CDK5RAP2: variants seen among roughly 807,000 people sequenced by gnomAD.
CDK5RAP2 encodes CDK5 regulatory subunit-associated protein 2.
A neutral mutation model predicts 232.9 loss-of-function variants in CDK5RAP2; 147 were observed. The observed-to-expected ratio is 0.63, with a 90% CI of 0.55 to 0.72. The LOEUF is 0.72. Ranked by LOEUF, CDK5RAP2 falls within the 30% of genes least tolerant of loss-of-function variation. The pLI is 0.00. For missense variants in CDK5RAP2, 2,195 were observed against 2,231.5 expected, an observed-to-expected ratio of 0.98 and a Z score of 0.33; for synonymous variants, 833 against 833.7, an observed-to-expected ratio of 1.00 and a Z score of 0.01.
chr9:120,567,150 T>G (rs1277216987), intron 3 of CDK5RAP2, among the ~76,000 whole-genome samples: 1 of 152,216 alleles, frequency 6.6e-6, no homozygotes, highest in African/African-American at 2.4e-5. Context: ...TTATACACGA[T>G]GTAGAATAAT....
At chr9:120,416,580 T>A (rs549848002) in intron 27 of CDK5RAP2, among the ~76,000 whole-genome samples, 1 of 152,194 alleles carries the variant, frequency 6.6e-6, no homozygotes, top group Non-Finnish European at 1.5e-5. Flanking sequence ...TTTAACATAA[T>A]ACTTAATAAT....
At chr9:120,485,717 C>T (rs2038564743) in intron 14 of CDK5RAP2, among the ~76,000 whole-genome samples, 1 of 152,190 alleles carries the variant, frequency 6.6e-6, no homozygotes, top group South Asian at 2.1e-4. Context: ...CCTTATATTA[C>T]AGGTTAATGT....
intron 4 of CDK5RAP2, among the ~76,000 whole-genome samples, chr9:120,549,870 A>G (rs2041987307): frequency 6.6e-6 from 1 of 152,246 alleles, no homozygotes; most frequent in South Asian, 2.1e-4. Context: ...AACTTTCATA[A>G]GGGACAAAGA....
At chr9:120,455,736 CA>C (rs774549079) in intron 20 of CDK5RAP2, among the ~76,000 whole-genome samples, 3,835 of 131,008 alleles carry the variant, frequency 0.029, 90 homozygotes, top group African/African-American at 0.078. Flanking sequence ...AACCTTGTGT[CA>C]AAAAAAAAAA....
At chr9:120,479,088 A>G (rs1264640935) in intron 14 of CDK5RAP2, among the ~76,000 whole-genome samples, 1 of 152,234 alleles carries the variant, frequency 6.6e-6, no homozygotes, top group Non-Finnish European at 1.5e-5. Flanking sequence ...CCCACAAGCC[A>G]AATCTGGGAT....
chr9:120,448,950 T>C (rs2036345184), intron 21 of CDK5RAP2, among the ~76,000 whole-genome samples: 1 of 152,208 alleles, frequency 6.6e-6, no homozygotes, highest in Non-Finnish European at 1.5e-5. Context: ...CATTTACTTT[T>C]GCCCTCTCTA....
At chr9:120,464,511 T>A (rs1008228621) in intron 18 of CDK5RAP2, among the ~76,000 whole-genome samples, 1 of 152,204 alleles carries the variant, frequency 6.6e-6, no homozygotes, top group Non-Finnish European at 1.5e-5. Flanking sequence ...ACAAGTCGTT[T>A]TCAGGATTAC....
At chr9:120,509,275 C>T (rs1454686625) in intron 12 of CDK5RAP2, among the ~76,000 whole-genome samples, 1 of 152,138 alleles carries the variant, frequency 6.6e-6, no homozygotes, top group East Asian at 1.9e-4. Context: ...TAATCAACAC[C>T]GTCTGGTAGA....
intron 12 of CDK5RAP2, among the ~76,000 whole-genome samples, chr9:120,515,402 T>C (rs926776405): frequency 6.6e-6 from 1 of 152,232 alleles, no homozygotes; most frequent in Non-Finnish European, 1.5e-5. Context: ...TTATATTAAT[T>C]AACTGTGGAT....
chr9:120,412,725 T>C (rs2033926721), intron 28 of CDK5RAP2, among the ~76,000 whole-genome samples: 1 of 152,220 alleles, frequency 6.6e-6, no homozygotes, highest in African/African-American at 2.4e-5. Flanking sequence ...GCTGAAAGCA[T>C]CCTGGCACAC....
At chr9:120,539,393 C>T (rs962964393) in intron 5 of CDK5RAP2, among the ~76,000 whole-genome samples, 1 of 152,170 alleles carries the variant, frequency 6.6e-6, no homozygotes, top group Admixed American at 6.5e-5. Context: ...TAGCATATAG[C>T]CTTTCAGACA....
intron 13 of CDK5RAP2, among the ~76,000 whole-genome samples, 188 bp downstream of exon 13, chr9:120,491,117 TTC>T (rs761283520): frequency 2.0e-5 from 3 of 152,194 alleles, no homozygotes; most frequent in Non-Finnish European, 4.4e-5. Flanking sequence ...GTTTCTTCCC[TTC>T]TCTGAGTTTC....
chr9:120,526,144 A>G (rs2040889733), intron 10 of CDK5RAP2, among the ~76,000 whole-genome samples: 1 of 152,068 alleles, frequency 6.6e-6, no homozygotes, highest in African/African-American at 2.4e-5. Context: ...AAGTAGGTCA[A>G]CTCTCAGACT....
chr9:120,471,899 G>A, intron 15 of CDK5RAP2, 21 bp from the exon 16 acceptor site: 2 of 1,613,860 alleles, frequency 1.2e-6, no homozygotes, highest in Non-Finnish European at 8.5e-7. Flanking sequence ...CAAGACACCA[G>A]AAGTTTTAAA....
At chr9:120,473,352 T>C (rs913194456) in intron 15 of CDK5RAP2, among the ~76,000 whole-genome samples, 8 of 152,106 alleles carry the variant, frequency 5.3e-5, no homozygotes, top group African/African-American at 1.9e-4. Flanking sequence ...ATGAATGAAT[T>C]TGTGGATTTT....
chr9:120,484,845 G>T (rs2038509093), intron 14 of CDK5RAP2, among the ~76,000 whole-genome samples: 1 of 151,950 alleles, frequency 6.6e-6, no homozygotes, highest in African/African-American at 2.4e-5. Flanking sequence ...CTCTTGAGTA[G>T]CTGGGACTAT....
intron 12 of CDK5RAP2, among the ~76,000 whole-genome samples, chr9:120,499,863 T>G (rs2039492647): frequency 6.6e-6 from 1 of 152,196 alleles, no homozygotes; most frequent in Admixed American, 6.5e-5. Context: ...TTTTATACAG[T>G]TTTTAAGTTT....
chr9:120,463,713 C>A (rs898568276), intron 18 of CDK5RAP2, among the ~76,000 whole-genome samples: 18 of 152,344 alleles, frequency 1.2e-4, no homozygotes, highest in Admixed American at 6.5e-4. Flanking sequence ...TCCAGAACCA[C>A]AACCATGCCA....
chr9:120,510,860 CCTT>C, intron 12 of CDK5RAP2, among the ~76,000 whole-genome samples: 1 of 152,312 alleles, frequency 6.6e-6, no homozygotes, highest in South Asian at 2.1e-4. Flanking sequence ...CACTTTTTCA[CCTT>C]CTTCACTGTA....
Sources: allele counts gnomAD v4.1 joint callset (sites outside exome capture counted in the v4.1 genomes callset), GRCh38; gene constraint gnomAD v4.1.1; transcripts MANE v1.5; gene names NCBI Gene and HGNC (gene_info 2026-07-23, HGNC 2026-07-21).